Variants in NALCN observed in about 807,000 individuals in gnomAD.
The protein encoded by NALCN is sodium leak channel NALCN.
A neutral mutation model predicts 225.3 loss-of-function variants in NALCN; 111 were observed. That is an observed-to-expected ratio of 0.49 (90% CI 0.42 to 0.58). NALCN has a LOEUF of 0.58. NALCN is among the 20% of genes least tolerant of loss of function. The pLI is 0.00. For missense variants in NALCN, 1,378 were observed against 2,202.4 expected, an observed-to-expected ratio of 0.63 and a Z score of 7.49; for synonymous variants, 764 against 769.0, an observed-to-expected ratio of 0.99 and a Z score of 0.11.
Position 101,089,555 on chromosome 13 carries a change from C to CA in NALCN, c.3489+107dup. The CA allele has an allele frequency of 2.3e-6, 2 of 869,164 alleles. No homozygotes were observed. The highest frequency in any genetic ancestry group is 3.6e-6 in the Non-Finnish European group (2 of 552,728). The allele number at this position is 869,164 out of a possible 1,614,324, so 53.8% of individuals were successfully genotyped here. Reference sequence around the variant, plus strand: ...TTATAGAGATTATTTACACCAGTCACATTACAGTTTAAAGCGGCTTCACGC... The same window carrying CA: ...TTATAGAGATTATTTACACCAGTCACAATTACAGTTTAAAGCGGCTTCACGC... On this transcript the variant is annotated intron_variant, in intron 30 of 43. Coordinates refer to ENST00000251127, the MANE Select transcript of NALCN (RefSeq NM_052867.4). The surrounding 1 kb of genome is among the most constrained non-coding windows in gnomAD (Gnocchi z 4.7).
intron 1 of NALCN, among the ~76,000 whole-genome samples, chr13:101,412,775 C>A (rs1813772888): frequency 6.6e-6 from 1 of 152,200 alleles, no homozygotes; most frequent in South Asian, 2.1e-4. Context: ...TCTTCCTTTA[C>A]CTGTGGGGGT....
chr13:101,171,203 A>C (rs1209536124), intron 15 of NALCN, among the ~76,000 whole-genome samples: 1 of 150,568 alleles, frequency 6.6e-6, no homozygotes, highest in Non-Finnish European at 1.5e-5. Flanking sequence ...TAAATACTAA[A>C]TATAAAAAAT....
chr13:101,096,064 G>A (rs1186451813), intron 27 of NALCN, among the ~76,000 whole-genome samples: 1 of 151,930 alleles, frequency 6.6e-6, no homozygotes, highest in Non-Finnish European at 1.5e-5. Flanking sequence ...ATAACAACAA[G>A]CATTGGCGAG....
intron 15 of NALCN, among the ~76,000 whole-genome samples, chr13:101,151,540 A>G (rs2037647111): frequency 6.6e-6 from 1 of 152,182 alleles, no homozygotes; most frequent in African/African-American, 2.4e-5. Flanking sequence ...TGGTTGTTCA[A>G]TATAGGAAAA....
At chr13:101,126,646 C>T (rs1594260964) in intron 17 of NALCN, among the ~76,000 whole-genome samples, 3 of 152,212 alleles carry the variant, frequency 2.0e-5, no homozygotes, top group African/African-American at 7.2e-5. Flanking sequence ...GTGCCCGCCA[C>T]CATGCCCGAC....
At chr13:101,175,487 CATT>C (rs912259955) in intron 15 of NALCN, among the ~76,000 whole-genome samples, 3 of 152,142 alleles carry the variant, frequency 2.0e-5, no homozygotes, top group African/African-American at 7.2e-5. Context: ...GTTCTGTTAA[CATT>C]ATAACAGGTG....
intron 15 of NALCN, among the ~76,000 whole-genome samples, chr13:101,153,403 G>A (rs747460173): frequency 1.3e-5 from 2 of 152,130 alleles, no homozygotes; most frequent in African/African-American, 4.8e-5. Context: ...TGGCTAATCT[G>A]AGACAACTCA....
intron 34 of NALCN, among the ~76,000 whole-genome samples, chr13:101,076,730 G>A (rs1225814277): frequency 6.6e-6 from 1 of 152,166 alleles, no homozygotes; most frequent in Non-Finnish European, 1.5e-5. Flanking sequence ...AAAATACGGT[G>A]GAGAATGAGC....
At chr13:101,230,863 T>C (rs2041317544) in intron 12 of NALCN, among the ~76,000 whole-genome samples, 1 of 152,196 alleles carries the variant, frequency 6.6e-6, no homozygotes, top group Non-Finnish European at 1.5e-5. Flanking sequence ...TATATTTACA[T>C]ATATTTTAGT....
intron 13 of NALCN, among the ~76,000 whole-genome samples, chr13:101,227,685 TC>T (rs1456962454): frequency 1.3e-5 from 2 of 152,200 alleles, no homozygotes; most frequent in Non-Finnish European, 2.9e-5. Flanking sequence ...ACCCCATGTC[TC>T]ATCTGCTGGC....
intron 18 of NALCN, among the ~76,000 whole-genome samples, chr13:101,115,584 C>T (rs1437229431): frequency 1.3e-5 from 2 of 152,146 alleles, no homozygotes; most frequent in African/African-American, 4.8e-5. Context: ...AGGAGAAGAA[C>T]TTGAATATTC....
intron 7 of NALCN, among the ~76,000 whole-genome samples, chr13:101,335,801 A>G (rs1490315087): frequency 6.6e-6 from 1 of 151,902 alleles, no homozygotes; most frequent in Non-Finnish European, 1.5e-5. Context: ...GTAAAAATAT[A>G]CGTTCTGTAA....
At chr13:101,332,869 T>C (rs1162073457) in intron 7 of NALCN, among the ~76,000 whole-genome samples, 3 of 152,210 alleles carry the variant, frequency 2.0e-5, no homozygotes, top group Non-Finnish European at 2.9e-5. Flanking sequence ...AAACAATGTC[T>C]GTACACACGC....
chr13:101,266,947 C>T (rs141657599), intron 10 of NALCN, among the ~76,000 whole-genome samples: 5 of 152,248 alleles, frequency 3.3e-5, no homozygotes, highest in African/African-American at 1.2e-4. Flanking sequence ...AAAACATAAC[C>T]AGTGGATATC....
At chr13:101,057,069 CT>C (rs1016748774) in intron 43 of NALCN, 1 of 152,254 alleles carries the variant, frequency 6.6e-6, no homozygotes, top group African/African-American at 2.4e-5. Flanking sequence ...AAAATGTAAG[CT>C]GTGCTGTCAT....
In NALCN at chr13:101,217,801, TA is replaced by T. The variant is rs1253789549; in HGVS notation, c.1626+11591del. The stretch of plus-strand genomic sequence containing the variant: ...ATCTACTCTGTGTCCAGCCCTATGC[TA>T]GCTACTTTGCAGGTACCTACCTATT... On this transcript the variant is annotated intron_variant, in intron 13 of 43. Transcript: ENST00000251127. 2.1e-4 allele frequency among the ~76,000 whole-genome samples: 32 copies of T among 152,316 alleles called. 1 individual carries two copies. Among genetic ancestry groups the T allele is most frequent in the African/African-American group, 7.5e-4 (31 of 41,586 alleles).
intron 3 of NALCN, among the ~76,000 whole-genome samples, chr13:101,393,033 G>A (rs1291562836): frequency 6.6e-6 from 1 of 152,170 alleles, no homozygotes; most frequent in Non-Finnish European, 1.5e-5. Flanking sequence ...GTTTGTCCAT[G>A]ATTTGGATAA....
At chr13:101,200,125 T>C (rs1180165233) in intron 13 of NALCN, among the ~76,000 whole-genome samples, 1 of 152,086 alleles carries the variant, frequency 6.6e-6, no homozygotes, top group Non-Finnish European at 1.5e-5. Context: ...ACCTCCAGAA[T>C]CAACTCCACA....
At chr13:101,062,927 C>A (rs2032074957) in intron 40 of NALCN, among the ~76,000 whole-genome samples, 1 of 152,186 alleles carries the variant, frequency 6.6e-6, no homozygotes, top group Admixed American at 6.5e-5. Context: ...CAGAGGCTAC[C>A]AAACAAACCC....
Sources: gnomAD v4.1 joint callset for allele counts (sites outside exome capture counted in the v4.1 genomes callset) on GRCh38, gnomAD v4.1.1 for gene constraint, Gnocchi (gnomAD v3.1) non-coding constraint, MANE v1.5 for transcripts, NCBI Gene and HGNC (gene_info 2026-07-23, HGNC 2026-07-21) for gene names.